MCTP1: variants seen among roughly 807,000 people sequenced by gnomAD.
The protein encoded by MCTP1 is multiple C2 and transmembrane domain-containing protein 1.
A neutral mutation model predicts 120.6 loss-of-function variants in MCTP1; 69 were observed. The ratio of observed to expected loss-of-function variants is 0.57; its 90% CI spans 0.47 to 0.70. The LOEUF (loss-of-function observed/expected upper bound fraction) is 0.70. Ranked by LOEUF, MCTP1 falls within the 30% of genes least tolerant of loss-of-function variation. The pLI is 0.00. For synonymous variants in MCTP1, 529 were observed against 493.1 expected, an observed-to-expected ratio of 1.07 and a Z score of -0.96; for missense variants, 1,203 against 1,248.8, an observed-to-expected ratio of 0.96 and a Z score of 0.55.
chr5:95,013,912 G>C (rs1437709899), intron 2 of MCTP1, among the ~76,000 whole-genome samples: 1 of 151,954 alleles, frequency 6.6e-6, no homozygotes, highest in Non-Finnish European at 1.5e-5. Flanking sequence ...TGATAGATCT[G>C]GACAAAGCAA....
At chr5:94,811,226 T>G (rs1254238477) in intron 17 of MCTP1, among the ~76,000 whole-genome samples, 1 of 152,234 alleles carries the variant, frequency 6.6e-6, no homozygotes, top group East Asian at 1.9e-4. Flanking sequence ...TACTGATGAA[T>G]GTCTTTCTCC....
chr5:94,984,434 C>G (rs1443441291), intron 2 of MCTP1, among the ~76,000 whole-genome samples: 1 of 152,126 alleles, frequency 6.6e-6, no homozygotes, highest in African/African-American at 2.4e-5. Context: ...GAAAACCACA[C>G]TGGCTGAAGC....
At chr5:94,986,154 T>A (rs1048990466) in intron 2 of MCTP1, among the ~76,000 whole-genome samples, 4 of 152,190 alleles carry the variant, frequency 2.6e-5, no homozygotes, top group Non-Finnish European at 5.9e-5. Flanking sequence ...TTCCTAATTG[T>A]ATTGTGAAGG....
rs1336632550 is a variant in MCTP1 at position 94,959,405 on chromosome 5, T to A, written c.839-6044A>T. 4.6e-5 allele frequency among the ~76,000 whole-genome samples: 7 copies of A among 152,304 alleles called. No individual in the cohort carries two copies. In the South Asian group the frequency reaches 1.4e-3, roughly 32 times the overall value. Reference sequence around the variant, plus strand: ...TCACCACTCCTATTCAATATAGTATTGAAAGTTCCGGCCAGGGCAATTAGG... The same window carrying A: ...TCACCACTCCTATTCAATATAGTATAGAAAGTTCCGGCCAGGGCAATTAGG... On this transcript the variant is annotated intron_variant, in intron 2 of 22. Transcript: ENST00000515393.
rs555419066 is a variant in MCTP1 at position 94,749,027 on chromosome 5, A to T, written c.2610+30083T>A. On this transcript the variant is annotated intron_variant, in intron 19 of 22. Transcript: ENST00000515393. ...TCTGCTGTAATTGTGGCCCCAGAGC[A>T]TTCTTGTCCTTGACTTATGTGATGA... Among the ~76,000 whole-genome samples, 3 of 152,314 alleles carry T rather than the reference A, an allele frequency of 2.0e-5. No individual in the cohort carries two copies. The South Asian group carries it at 6.2e-4, about 32-fold the overall frequency.
intron 10 of MCTP1, among the ~76,000 whole-genome samples, chr5:94,901,183 G>A (rs1157718946): frequency 4.6e-5 from 7 of 152,160 alleles, no homozygotes; most frequent in East Asian, 3.9e-4. Context: ...GGCAGAAGGC[G>A]AATGAGGAGC....
intron 17 of MCTP1, among the ~76,000 whole-genome samples, chr5:94,819,137 T>C (rs1424636412): frequency 6.7e-6 from 1 of 149,048 alleles, no homozygotes; most frequent in African/African-American, 2.5e-5. Flanking sequence ...ATTCATTCTT[T>C]CATTCATTCG....
chr5:94,873,070 TAAAACCC>T, intron 13 of MCTP1, 62 bp downstream of exon 13: 5 of 913,022 alleles, frequency 5.5e-6, no homozygotes, highest in Admixed American at 3.9e-5. Flanking sequence ...ACATTTTTTT[TAAAACCC>T]TCAAAAATAA....
chr5:95,037,432 A>C (rs11953778), intron 1 of MCTP1, among the ~76,000 whole-genome samples: 2,450 of 152,336 alleles, frequency 0.016, 68 homozygotes, highest in African/African-American at 0.057. Context: ...CAGGAAGGAA[A>C]TATAACAACA....
At position 94,840,044 on chromosome 5, in the gene MCTP1, C is replaced by T. The variant is rs1173231881; in HGVS notation, c.2436+28289G>A. Among the ~76,000 whole-genome samples the T allele has an allele frequency of 5.3e-5, 8 of 152,164 alleles. 1 individual carries two copies. The highest frequency in any genetic ancestry group is 5.2e-4 in the Admixed American group (8 of 15,272). On this transcript the variant is annotated intron_variant, in intron 17 of 22. Transcript: ENST00000515393. ...GACCTCAGGCAAAGCACTGGAAATA[C>T]AGTTGCATGTGACACCACAGAGGAT...
At chr5:95,128,266 A>T (rs1244144976) in intron 1 of MCTP1, among the ~76,000 whole-genome samples, 2 of 152,246 alleles carry the variant, frequency 1.3e-5, no homozygotes, top group East Asian at 3.8e-4. Flanking sequence ...ATAATCTAGC[A>T]GTTCTTCAAA....
intron 1 of MCTP1, among the ~76,000 whole-genome samples, chr5:95,167,072 G>A (rs142570843): frequency 0.024 from 3,676 of 152,032 alleles, 66 homozygotes; most frequent in African/African-American, 0.054. Flanking sequence ...CCCACTCCCT[G>A]CACCCTATGA....
At chr5:94,982,891 A>AAAAAAAAAAAAAAAAAAAAAAAC in intron 2 of MCTP1, among the ~76,000 whole-genome samples, 1 of 127,768 alleles carries the variant, frequency 7.8e-6, no homozygotes, top group Non-Finnish European at 1.6e-5. Flanking sequence ...CATCAAAAAA[A>AAAAAAAAAAAAAAAAAAAAAAAC]AAAAAAAAAA....
At chr5:95,172,747 T>C (rs1747482188) in intron 1 of MCTP1, among the ~76,000 whole-genome samples, 1 of 152,196 alleles carries the variant, frequency 6.6e-6, no homozygotes, top group Non-Finnish European at 1.5e-5. Flanking sequence ...GAGAGAACTA[T>C]GGTATCTCTT....
intron 17 of MCTP1, among the ~76,000 whole-genome samples, chr5:94,865,947 G>A (rs1373911262): frequency 6.6e-6 from 1 of 151,828 alleles, no homozygotes; most frequent in Admixed American, 6.6e-5. Context: ...AATATTAGTG[G>A]TTGTTTTTGT....
chr5:95,086,043 TTA>T (rs1436777674), intron 1 of MCTP1, among the ~76,000 whole-genome samples: 1 of 152,166 alleles, frequency 6.6e-6, no homozygotes, highest in African/African-American at 2.4e-5. Context: ...TTGCTGTTTT[TTA>T]TTTAATTTGT....
chr5:95,260,688 C>A (rs1393305848), intron 1 of MCTP1, among the ~76,000 whole-genome samples: 1 of 151,992 alleles, frequency 6.6e-6, no homozygotes, highest in Admixed American at 6.6e-5. Flanking sequence ...CTTATTATAT[C>A]ATTTGCTTAT....
At chr5:95,173,562 C>G (rs909212949) in intron 1 of MCTP1, among the ~76,000 whole-genome samples, 1 of 152,120 alleles carries the variant, frequency 6.6e-6, no homozygotes, top group Non-Finnish European at 1.5e-5. Flanking sequence ...CATTCTGATC[C>G]TAACAATTAC....
In MCTP1 at chr5:95,014,885, G is replaced by A. The variant is rs1388700864; in HGVS notation, c.838+2482C>T. Among the ~76,000 whole-genome samples, 3 of 152,162 alleles carry A rather than the reference G, an allele frequency of 2.0e-5. No homozygotes were observed. The East Asian group carries it at 5.8e-4, about 29-fold the overall frequency. Reference sequence around the variant, plus strand: ...TCAATGTGGCAAACTTCATTGTTGTGTAATTTTATGAAATTGCCACAGCCA... The same window carrying A: ...TCAATGTGGCAAACTTCATTGTTGTATAATTTTATGAAATTGCCACAGCCA... On this transcript the variant is annotated intron_variant, in intron 2 of 22. Coordinates refer to ENST00000515393, the MANE Select transcript of MCTP1 (RefSeq NM_024717.7).
Sources: allele counts gnomAD v4.1 joint callset (sites outside exome capture counted in the v4.1 genomes callset), GRCh38; gene constraint gnomAD v4.1.1; transcripts MANE v1.5; gene names NCBI Gene and HGNC (gene_info 2026-07-23, HGNC 2026-07-21).